The following SENP1 variants were observed in gnomAD, a reference collection of about 807,000 sequenced individuals.
The protein encoded by SENP1 is sentrin-specific protease 1.
A neutral mutation model predicts 93.0 loss-of-function variants in SENP1; 21 were observed. That is an observed-to-expected ratio of 0.23 (90% CI 0.16 to 0.33). SENP1 has a LOEUF of 0.33. SENP1 is among the 10% of genes least tolerant of loss of function. SENP1 has a pLI of 1.00. For missense variants in SENP1, 591 were observed against 758.7 expected (o/e 0.78, Z 2.60); for synonymous variants, 256 against 259.6 (o/e 0.99, Z 0.13).
chr12:48,097,872 C>T, intron 3 of SENP1, 122 bp downstream of exon 3: 1 of 878,324 alleles, frequency 1.1e-6, no homozygotes, highest in South Asian at 2.0e-5. Flanking sequence ...ACTAAAATTA[C>T]TGATTCTAAA....
intron 1 of SENP1, among the ~76,000 whole-genome samples, chr12:48,103,866 C>T (rs971904968): frequency 6.6e-6 from 1 of 151,786 alleles, no homozygotes; most frequent in Non-Finnish European, 1.5e-5. Context: ...TACATATATG[C>T]AAAAAGGGGA....
chr12:48,047,130 G>A, intron 15 of SENP1, 68 bp from the exon 16 acceptor site: 1 of 963,350 alleles, frequency 1.0e-6, no homozygotes, highest in Admixed American at 1.9e-5. Context: ...CACTAAGAAT[G>A]GGGCTGACAA....
chr12:48,094,495 C>G (rs1246096472), intron 4 of SENP1, among the ~76,000 whole-genome samples: 1 of 152,116 alleles, frequency 6.6e-6, no homozygotes, highest in African/African-American at 2.4e-5. Flanking sequence ...ACCTGGCCAA[C>G]ATGGCGAAAC....
At chr12:48,065,391 T>C (rs1943231485) in intron 11 of SENP1, among the ~76,000 whole-genome samples, 171 bp from the exon 12 acceptor site, 1 of 152,202 alleles carries the variant, frequency 6.6e-6, no homozygotes, top group African/African-American at 2.4e-5. Context: ...CCATCACAAG[T>C]AGGGGACTAT....
intron 13 of SENP1, among the ~76,000 whole-genome samples, chr12:48,058,039 A>G (rs1402419417): frequency 7.6e-6 from 1 of 131,810 alleles, no homozygotes; most frequent in African/African-American, 3.0e-5. Context: ...TCCACCTCCC[A>G]GGTTCAAGCG....
In SENP1 at chr12:48,082,434, C is replaced by T. The variant is rs188276622; in HGVS notation, c.552+1157G>A. On this transcript the variant is annotated intron_variant, in intron 6 of 17. Transcript: ENST00000549518. ...TTCTGGGTTCTAGGCCTGCCATTTA[C>T]TAGTCATGTGACCTATGACCCTTAT... Among the ~76,000 whole-genome samples, 329 of 152,314 alleles carry T rather than the reference C, an allele frequency of 2.2e-3. 1 individual carries two copies. The highest frequency in any genetic ancestry group is 3.1e-3 in the Non-Finnish European group (212 of 68,028).
chr12:48,053,038 T>C (rs1177223276), intron 13 of SENP1, among the ~76,000 whole-genome samples: 1 of 152,228 alleles, frequency 6.6e-6, no homozygotes, highest in African/African-American at 2.4e-5. Flanking sequence ...GCTAGGTTTG[T>C]CTGGTTGAAC....
intron 1 of SENP1, chr12:48,105,574 C>T: frequency 2.1e-6 from 1 of 484,768 alleles, no homozygotes; most frequent in Non-Finnish European, 4.1e-6. Flanking sequence ...CAGAAGTAGT[C>T]AAGAAATATC....
intron 1 of SENP1, 47 bp from the exon 2 acceptor site, chr12:48,101,563 A>G: frequency 1.0e-6 from 1 of 981,176 alleles, no homozygotes; most frequent in Non-Finnish European, 1.6e-6. Context: ...TGAAACACCT[A>G]CTTCACTTAA....
At chr12:48,068,034 C>CT (rs1303057824) in intron 9 of SENP1, among the ~76,000 whole-genome samples, 4 of 151,810 alleles carry the variant, frequency 2.6e-5, no homozygotes, top group African/African-American at 7.2e-5. Flanking sequence ...CTAATTTTTT[C>CT]TTTTTTTTAT....
chr12:48,046,940 T>G, intron 16 of SENP1, 38 bp downstream of exon 16: 1 of 1,386,502 alleles, frequency 7.2e-7, no homozygotes, highest in African/African-American at 1.4e-5. Context: ...CCAAATACCC[T>G]ACTTTTAGGA....
At chr12:48,071,946 TAAC>T (rs1943734803) in intron 8 of SENP1, among the ~76,000 whole-genome samples, 1 of 152,060 alleles carries the variant, frequency 6.6e-6, no homozygotes, top group Admixed American at 6.5e-5. Context: ...CCCTGGGAAA[TAAC>T]AAACATATTT....
intron 12 of SENP1, 45 bp downstream of exon 12, chr12:48,065,020 A>C: frequency 2.2e-6 from 3 of 1,365,642 alleles, no homozygotes; most frequent in South Asian, 1.2e-5. Flanking sequence ...GATTCTTTCT[A>C]AACATGATAC....
At position 48,043,650 on chromosome 12, in the gene SENP1, A is replaced by G. The variant is rs1256701407; in HGVS notation, c.*1672T>C. Reference sequence around the variant, plus strand: ...TAAAGAGAGATAGAAAGAGAAAGGGAAAGAAAGAGAGAGAAAAAACAAACA... The same window carrying G: ...TAAAGAGAGATAGAAAGAGAAAGGGGAAGAAAGAGAGAGAAAAAACAAACA... On this transcript the variant is annotated 3_prime_UTR_variant, in exon 18 of 18. Transcript: ENST00000549518. 1 of 152,602 alleles carries G rather than the reference A, an allele frequency of 6.6e-6. No individual in the cohort carries two copies. Among genetic ancestry groups the G allele is most frequent in the Non-Finnish European group, 1.5e-5 (1 of 68,016 alleles). The allele number at this position is 152,602 out of a possible 1,614,324, so 9.5% of individuals were successfully genotyped here. A position where few individuals can be genotyped will look rare whatever the true frequency, so the allele number is the denominator to read the frequency against.
chr12:48,069,710 A>G (rs1943549030), intron 9 of SENP1, among the ~76,000 whole-genome samples: 1 of 152,228 alleles, frequency 6.6e-6, no homozygotes, highest in South Asian at 2.1e-4. Context: ...TGAGGTTCAT[A>G]AGAGTAACTT....
chr12:48,085,387 C>G (rs1260898253), intron 5 of SENP1: 19 of 1,295,552 alleles, frequency 1.5e-5, no homozygotes, highest in Admixed American at 3.6e-5. Context: ...CTGCGGAGGG[C>G]CAGGGGCATG....
chr12:48,071,516 T>C lies in SENP1; in HGVS notation c.995+151A>G, dbSNP rs1222203814. On this transcript the variant is annotated intron_variant, in intron 9 of 17. Transcript: ENST00000549518. ...CTGTAATCCTAGCTACTCGGGAGGC[T>C]GAGGCAGAAGAATTGCTTGAACCAG... The C allele has an allele frequency of 2.5e-5, 13 of 521,818 alleles. No homozygotes were observed. In the East Asian group the frequency reaches 4.3e-4, roughly 17 times the overall value. 32.3% of individuals were successfully genotyped at this position (521,818 alleles called of 1,614,324 possible). A position where few individuals can be genotyped will look rare whatever the true frequency, so the allele number is the denominator to read the frequency against.
intron 2 of SENP1, among the ~76,000 whole-genome samples, chr12:48,099,800 C>T (rs556784282): frequency 6.6e-6 from 1 of 152,164 alleles, no homozygotes; most frequent in South Asian, 2.1e-4. Context: ...GAGAGTGAGA[C>T]CCTGTCTCTA....
chr12:48,066,316 T>C (rs1356745650), intron 10 of SENP1, among the ~76,000 whole-genome samples: 1 of 152,164 alleles, frequency 6.6e-6, no homozygotes, highest in Non-Finnish European at 1.5e-5. Flanking sequence ...TCCAGAAATA[T>C]GAATTATTCA....
Sources: allele counts gnomAD v4.1 joint callset (sites outside exome capture counted in the v4.1 genomes callset), GRCh38; gene constraint gnomAD v4.1.1; transcripts MANE v1.5; gene names NCBI Gene and HGNC (gene_info 2026-07-23, HGNC 2026-07-21).